ADAMTSL1: variants seen among roughly 807,000 people sequenced by gnomAD.
ADAMTSL1 encodes the protein ADAMTS-like protein 1.
ADAMTSL1 carries 126 observed loss-of-function variants against 201.8 expected under a neutral mutation model. The observed-to-expected ratio is 0.62, with a 90% CI of 0.54 to 0.72. The LOEUF (loss-of-function observed/expected upper bound fraction) is 0.72, where lower values mean the gene tolerates loss of function less well. Ranked by LOEUF, ADAMTSL1 falls within the 30% of genes least tolerant of loss-of-function variation. The pLI is 0.00. For synonymous variants in ADAMTSL1, 1,121 were observed against 903.4 expected (o/e 1.24, Z -4.32); for missense variants, 2,679 against 2,277.8 (o/e 1.18, Z -3.59).
intron 2 of ADAMTSL1, among the ~76,000 whole-genome samples, chr9:18,253,655 A>G (rs527292698): frequency 6.6e-6 from 1 of 152,180 alleles, no homozygotes; most frequent in Non-Finnish European, 1.5e-5. Flanking sequence ...GAAGTTGTCA[A>G]GCTTCCCTGT....
chr9:18,012,429 G>T (rs1248513902), intron 1 of ADAMTSL1, among the ~76,000 whole-genome samples: 4 of 152,064 alleles, frequency 2.6e-5, no homozygotes, highest in Non-Finnish European at 5.9e-5. Context: ...CTTTTATGAA[G>T]CATTAGCTGT....
In ADAMTSL1 at chr9:18,703,701, CATATATATATATATATATAT is replaced by C. The variant is rs72258520; in HGVS notation, c.1575-3031_1575-3012del. Among the ~76,000 whole-genome samples, 167 of 78,824 alleles carry C rather than the reference CATATATATATATATATATAT, an allele frequency of 2.1e-3. 4 individuals are homozygous for C. The highest frequency in any genetic ancestry group is 6.5e-3 in the African/African-American group (139 of 21,342). 51.7% of individuals were successfully genotyped at this position (78,824 alleles called of 152,430 possible). A position where few individuals can be genotyped will look rare whatever the true frequency, so the allele number is the denominator to read the frequency against. On this transcript the variant is annotated intron_variant, in intron 13 of 28. Coordinates refer to ENST00000380548, the MANE Select transcript of ADAMTSL1 (RefSeq NM_001040272.6). ...AATTACACACGTGCATGCGCACATA[CATATATATATATATATATAT>C]ATATATATATATATGTTTTAATTGA...
At chr9:17,980,187 T>A (rs1399313230) in intron 1 of ADAMTSL1, among the ~76,000 whole-genome samples, 3 of 152,194 alleles carry the variant, frequency 2.0e-5, no homozygotes, top group Non-Finnish European at 4.4e-5. Context: ...TCCACCCAGA[T>A]GCTATAATTT....
At chr9:18,095,584 G>C (rs201688683) in intron 1 of ADAMTSL1, among the ~76,000 whole-genome samples, 1 of 151,750 alleles carries the variant, frequency 6.6e-6, no homozygotes, top group Non-Finnish European at 1.5e-5. Flanking sequence ...CACCACGCCC[G>C]GCTAATTTTT....
intron 9 of ADAMTSL1, among the ~76,000 whole-genome samples, chr9:18,672,226 G>A (rs1017581954): frequency 2.6e-5 from 4 of 151,174 alleles, no homozygotes; most frequent in African/African-American, 9.7e-5. Flanking sequence ...TTCTAAAGTA[G>A]CATCTTAGAT....
intron 1 of ADAMTSL1, among the ~76,000 whole-genome samples, chr9:18,091,065 ATGCATGTGTGTG>A (rs1320034815): frequency 1.0e-5 from 1 of 98,338 alleles, no homozygotes; most frequent in African/African-American, 4.8e-5. Flanking sequence ...GTGTGTGTAT[ATGCATGTGTGTG>A]TGTGTGTGTG....
chr9:18,165,455 T>A (rs1827589833), intron 2 of ADAMTSL1, among the ~76,000 whole-genome samples: 1 of 151,956 alleles, frequency 6.6e-6, no homozygotes, highest in African/African-American at 2.4e-5. Context: ...TCATAAACAT[T>A]ATTATTACTA....
At chr9:17,933,861 G>T (rs896255060) in intron 1 of ADAMTSL1, among the ~76,000 whole-genome samples, 1 of 152,110 alleles carries the variant, frequency 6.6e-6, no homozygotes, top group Non-Finnish European at 1.5e-5. Flanking sequence ...ATTACAATTT[G>T]ACCAGAGATT....
At chr9:18,886,644 C>G (rs1160662528) in intron 23 of ADAMTSL1, among the ~76,000 whole-genome samples, 2 of 152,184 alleles carry the variant, frequency 1.3e-5, no homozygotes, top group South Asian at 2.1e-4. Flanking sequence ...CTCATTGTGT[C>G]CCACATGGTG....
intron 2 of ADAMTSL1, among the ~76,000 whole-genome samples, chr9:18,351,827 T>C (rs1393308053): frequency 6.6e-6 from 1 of 152,184 alleles, no homozygotes; most frequent in African/African-American, 2.4e-5. Context: ...TGGTATAGAG[T>C]AGCTTTATCA....
At chr9:18,567,969 C>T (rs1822037789) in intron 3 of ADAMTSL1, among the ~76,000 whole-genome samples, 1 of 152,118 alleles carries the variant, frequency 6.6e-6, no homozygotes, top group Non-Finnish European at 1.5e-5. Context: ...TAACTCTATG[C>T]TATTATAACT....
intron 1 of ADAMTSL1, among the ~76,000 whole-genome samples, chr9:18,066,621 T>C (rs921510456): frequency 5.3e-5 from 8 of 152,238 alleles, no homozygotes; most frequent in African/African-American, 1.4e-4. Flanking sequence ...TATTTTGTTG[T>C]TGTTTATTCC....
At chr9:18,733,626 A>ACACCCCCCACCCAC (rs1818339496) in intron 15 of ADAMTSL1, among the ~76,000 whole-genome samples, 1 of 121,448 alleles carries the variant, frequency 8.2e-6, no homozygotes, top group Admixed American at 8.2e-5. Context: ...CGACACCACC[A>ACACCCCCCACCCAC]CTCCCCCCAC....
At chr9:18,887,611 A>C (rs1828981865) in intron 23 of ADAMTSL1, among the ~76,000 whole-genome samples, 1 of 152,196 alleles carries the variant, frequency 6.6e-6, no homozygotes, top group Non-Finnish European at 1.5e-5. Context: ...TTTGTTATCC[A>C]GTAATTTTAC....
At chr9:18,784,796 A>G (rs1234947299) in intron 19 of ADAMTSL1, among the ~76,000 whole-genome samples, 1 of 152,194 alleles carries the variant, frequency 6.6e-6, no homozygotes, top group Non-Finnish European at 1.5e-5. Context: ...TGAAGTTACT[A>G]TCCCAATTTT....
chr9:18,290,090 C>T (rs578177858), intron 2 of ADAMTSL1, among the ~76,000 whole-genome samples: 6 of 152,012 alleles, frequency 3.9e-5, no homozygotes, highest in Non-Finnish European at 7.4e-5. Flanking sequence ...TGTTTGGGAA[C>T]CTTAATCATC....
chr9:18,377,292 C>T (rs1034607027), intron 2 of ADAMTSL1, among the ~76,000 whole-genome samples: 9 of 152,144 alleles, frequency 5.9e-5, no homozygotes, highest in Non-Finnish European at 1.3e-4. Flanking sequence ...ATGAGAACTG[C>T]GTAAGTGCAT....
intron 23 of ADAMTSL1, among the ~76,000 whole-genome samples, chr9:18,865,275 G>A (rs1353990812): frequency 6.6e-6 from 1 of 151,956 alleles, no homozygotes; most frequent in Non-Finnish European, 1.5e-5. Flanking sequence ...CCACCTATGA[G>A]TGAAAACATG....
intron 23 of ADAMTSL1, among the ~76,000 whole-genome samples, chr9:18,869,697 T>G (rs1827768630): frequency 6.6e-6 from 1 of 152,184 alleles, no homozygotes; most frequent in South Asian, 2.1e-4. Flanking sequence ...TTCACATCAT[T>G]GTTTCCTTAC....
Sources: allele counts gnomAD v4.1 joint callset (sites outside exome capture counted in the v4.1 genomes callset), GRCh38; gene constraint gnomAD v4.1.1; transcripts MANE v1.5; gene names NCBI Gene and HGNC (gene_info 2026-07-23, HGNC 2026-07-21).